CEP68: variants seen among roughly 807,000 people sequenced by gnomAD.
CEP68 encodes the protein centrosomal protein of 68 kDa.
CEP68 carries 26 observed loss-of-function variants against 55.3 expected under a neutral mutation model. That is an observed-to-expected ratio of 0.47 (90% CI 0.34 to 0.65). CEP68 has a LOEUF of 0.65. Among genes scored for constraint, CEP68 ranks in the 30% least tolerant of loss-of-function variants. The pLI, the probability that CEP68 is intolerant of heterozygous loss-of-function variation, is 0.01. For synonymous variants in CEP68, 402 were observed against 383.2 expected (o/e 1.05, Z -0.57); for missense variants, 957 against 946.7 (o/e 1.01, Z -0.14).
At chr2:65,082,842 C>T (rs778869386) in intron 6 of CEP68, 133 bp downstream of exon 6, 12 of 729,396 alleles carry the variant, frequency 1.6e-5, no homozygotes, top group Admixed American at 3.6e-5. Context: ...GCCAATGGTA[C>T]TAAAAAAGGA....
At chr2:65,077,024 C>CCT (rs35876889) in intron 4 of CEP68, among the ~76,000 whole-genome samples, 121,802 of 135,972 alleles carry the variant, frequency 0.9, 54,704 homozygotes, top group East Asian at 1. Flanking sequence ...TGAGACGGAG[C>CCT]CTCTCTTACT....
chr2:65,074,718 T>C (rs1276803769), intron 4 of CEP68: 1 of 367,062 alleles, frequency 2.7e-6, no homozygotes, highest in Non-Finnish European at 5.3e-6. Context: ...GACAGGAAGA[T>C]TGCTTGAGCC....
chr2:65,074,178 G>A, intron 3 of CEP68, 104 bp from the exon 4 acceptor site: 2 of 1,378,120 alleles, frequency 1.5e-6, no homozygotes, highest in Non-Finnish European at 2.0e-6. Flanking sequence ...GGAAACTGAA[G>A]GTGCACAGTC....
At position 65,071,757 on chromosome 2, in the gene CEP68, C is replaced by G. The variant is rs757794069; in HGVS notation, c.661C>G (p.Leu221Val). ...GAGGGCGGAGCCTCGTGGTGGTTCT[C>G]TGGCCAAGGTCTCCTCCTCCCTGGA... ...QERAEPRGGS[L>V]AKVSSSLEPV... Residue 221 changes from leucine (L) to valine (V), a missense_variant, in exon 3 of 7, where the codon CTG becomes GTG. By Grantham distance (32) the Leu-to-Val change is conservative. Coordinates refer to ENST00000377990, the MANE Select transcript of CEP68 (RefSeq NM_015147.3). 16 of 1,613,504 alleles carry G rather than the reference C, an allele frequency of 9.9e-6. No individual in the cohort carries two copies. The highest frequency in any genetic ancestry group is 1.4e-5 in the Non-Finnish European group (16 of 1,179,698).
intron 1 of CEP68, among the ~76,000 whole-genome samples, chr2:65,066,525 C>T (rs62140398): frequency 0.1 from 15,618 of 151,072 alleles, 913 homozygotes; most frequent in Middle Eastern, 0.13. Context: ...GTCAGAATTT[C>T]AAGACCAGCC....
chr2:65,057,089 T>C (rs1273606217), intron 1 of CEP68, among the ~76,000 whole-genome samples: 1 of 152,274 alleles, frequency 6.6e-6, no homozygotes, highest in Non-Finnish European at 1.5e-5. Context: ...CTACCCTTTC[T>C]AACTGTCATC....
chr2:65,070,311 A>G (rs1283216919), intron 2 of CEP68, among the ~76,000 whole-genome samples: 2 of 152,180 alleles, frequency 1.3e-5, no homozygotes, highest in Non-Finnish European at 2.9e-5. Flanking sequence ...TCTGACTGCC[A>G]GGCAGCTTCT....
In CEP68 at chr2:65,069,431, G is replaced by T; in HGVS notation, c.-14G>T. 6.7e-7 allele frequency: 1 copy of T among 1,502,434 alleles called. No individual in the cohort carries two copies. Among genetic ancestry groups the T allele is most frequent in the Non-Finnish European group, 8.9e-7 (1 of 1,123,718 alleles). 93.1% of individuals were successfully genotyped at this position (1,502,434 alleles called of 1,614,324 possible). On this transcript the variant is annotated 5_prime_UTR_variant, in exon 2 of 7. The change creates a new upstream start codon in the 5' untranslated region. Coordinates refer to ENST00000377990, the MANE Select transcript of CEP68 (RefSeq NM_015147.3). The stretch of plus-strand genomic sequence containing the variant: ...AAGTCTTCAGCAGAACCCTGACCTA[G>T]GTAGGGAGTCTCAATGGCCCTGGGT...
chr2:65,082,446 A>G lies in CEP68; in HGVS notation c.2105-90A>G, dbSNP rs1445939789. On this transcript the variant is annotated intron_variant, in intron 5 of 6. Coordinates refer to ENST00000377990, the MANE Select transcript of CEP68 (RefSeq NM_015147.3). Reference sequence around the variant, plus strand: ...CAGGTCCTACTTTGTGTAAAATACTATACCCTTGTATGTTCTTTTGAAAAT... The same window carrying G: ...CAGGTCCTACTTTGTGTAAAATACTGTACCCTTGTATGTTCTTTTGAAAAT... 6.6e-6 allele frequency: 8 copies of G among 1,211,416 alleles called. 1 individual carries two copies. In the Admixed American group the frequency reaches 9.0e-5, roughly 14 times the overall value. The allele number at this position is 1,211,416 out of a possible 1,614,324, so 75.0% of individuals were successfully genotyped here.
intron 5 of CEP68, 122 bp from the exon 6 acceptor site, chr2:65,082,414 C>T: frequency 1.3e-6 from 1 of 766,462 alleles, no homozygotes; most frequent in Non-Finnish European, 1.9e-6. Flanking sequence ...CATTCAGAAA[C>T]TACTGCCAGG....
chr2:65,063,023 A>C (rs185543811), intron 1 of CEP68, among the ~76,000 whole-genome samples: 2 of 152,310 alleles, frequency 1.3e-5, no homozygotes, highest in East Asian at 3.9e-4. Flanking sequence ...CAGCTGTGAC[A>C]GGAGTGTCCT....
chr2:65,062,836 CA>C (rs11348987), intron 1 of CEP68, among the ~76,000 whole-genome samples: 60,375 of 149,094 alleles, frequency 0.4, 12,344 homozygotes, highest in Middle Eastern at 0.49. Flanking sequence ...GACTCTATCT[CA>C]AAAAAAAAAA....
chr2:65,080,076 C>T (rs1009906276), intron 5 of CEP68, among the ~76,000 whole-genome samples: 6 of 151,378 alleles, frequency 4.0e-5, no homozygotes, highest in Admixed American at 6.6e-5. Context: ...GAAGTTGCAG[C>T]GAGCTGAGAT....
chr2:65,066,189 G>T (rs10196046), intron 1 of CEP68, among the ~76,000 whole-genome samples: 5 of 152,286 alleles, frequency 3.3e-5, no homozygotes, highest in African/African-American at 1.2e-4. Context: ...GAGGAAACCC[G>T]AGTATCCAGA....
In CEP68 at chr2:65,072,988, C is replaced by CA; in HGVS notation, c.1884+9dup. 6.2e-7 allele frequency: 1 copy of CA among 1,614,102 alleles called. No homozygotes were observed. Among genetic ancestry groups the CA allele is most frequent in the Non-Finnish European group, 8.5e-7 (1 of 1,179,940 alleles). ...CTGGTGCAATGTGTGAAGGTAATGA[C>CA]ACTCAACGTTAGGAAGCTTTGTGTA... On this transcript the variant is annotated intron_variant, in intron 3 of 6. Coordinates refer to ENST00000377990, the MANE Select transcript of CEP68 (RefSeq NM_015147.3).
Position 65,082,690 on chromosome 2 carries a change from A to G in CEP68, c.2259A>G (p.Pro753=). The part of the protein sequence containing the change: ...DKKPMAAMEH[P]CEGV Reference sequence around the variant, plus strand: ...AGCCCATGGCGGCAATGGAGCACCCATGTGAAGGGGTTTAACCTGGTAAGT... The same window carrying G: ...AGCCCATGGCGGCAATGGAGCACCCGTGTGAAGGGGTTTAACCTGGTAAGT... The change falls in exon 6 of 7, where the codon CCA becomes CCG. Residue 753 remains proline, a synonymous_variant. Transcript: ENST00000377990. 1.3e-6 allele frequency: 2 copies of G among 1,593,302 alleles called. No individual in the cohort carries two copies. The highest frequency in any genetic ancestry group is 1.4e-5 in the African/African-American group (1 of 73,686).
Position 65,077,859 on chromosome 2 carries a change from C to G in CEP68, c.2008-9C>G, listed in dbSNP as rs373721627. ...GCTTCTGCCTTTTCTTTTTCTGATA[C>G]GCCTTAAGCAATTTAAGAAAGATAT... is the stretch of plus-strand genomic sequence containing the variant. On this transcript the variant is annotated splice_polypyrimidine_tract_variant and intron_variant, in intron 4 of 6. Coordinates refer to ENST00000377990, the MANE Select transcript of CEP68 (RefSeq NM_015147.3). 6.3e-7 allele frequency: 1 copy of G among 1,595,088 alleles called. No individual in the cohort carries two copies.
At chr2:65,061,829 T>C (rs1206663902) in intron 1 of CEP68, among the ~76,000 whole-genome samples, 1 of 152,244 alleles carries the variant, frequency 6.6e-6, no homozygotes, top group Non-Finnish European at 1.5e-5. Context: ...CTTTACCTCC[T>C]TTCATGTGAC....
intron 4 of CEP68, among the ~76,000 whole-genome samples, chr2:65,077,664 A>G (rs1676827396): frequency 6.6e-6 from 1 of 152,096 alleles, no homozygotes; most frequent in South Asian, 2.1e-4. Flanking sequence ...AACAGGAAAA[A>G]CTACTGACTC....
Sources: gnomAD v4.1 joint callset for allele counts (sites outside exome capture counted in the v4.1 genomes callset) on GRCh38, gnomAD v4.1.1 for gene constraint, MANE v1.5 for transcripts, NCBI Gene and HGNC (gene_info 2026-07-23, HGNC 2026-07-21) for gene names.